The following USP28 variants were observed in gnomAD, a reference collection of about 807,000 sequenced individuals.
USP28 encodes ubiquitin specific peptidase 28, also known as ubiquitin carboxyl-terminal hydrolase 28.
Under a neutral mutation model 145.0 loss-of-function variants are expected in USP28, and 113 were observed. The ratio of observed to expected loss-of-function variants is 0.78; its 90% CI spans 0.67 to 0.91. USP28 has a LOEUF of 0.91. Among genes scored for constraint, USP28 ranks in the 40% least tolerant of loss-of-function variants. The pLI is 0.00. For missense variants in USP28, 1,201 were observed against 1,289.6 expected, an observed-to-expected ratio of 0.93 and a Z score of 1.05; for synonymous variants, 447 against 450.9, an observed-to-expected ratio of 0.99 and a Z score of 0.11.
rs533445305 is a variant in USP28, at chr11:113,869,848, G to C, written c.57+5597C>G. Among the ~76,000 whole-genome samples the C allele has an allele frequency of 5.9e-5, 9 of 152,238 alleles. No individual in the cohort carries two copies. The South Asian group carries it at 1.9e-3, about 32-fold the overall frequency. ...AAAAAGCACTGGGAAACAGAGTATA[G>C]AAGTCATTTGCAACTCAGGATTAGA... is the stretch of plus-strand genomic sequence containing the variant. On this transcript the variant is annotated intron_variant, in intron 1 of 24. Transcript: ENST00000003302.
chr11:113,852,535 T>C (rs752309835), exon 3 of USP28: 11 of 1,614,088 alleles, frequency 6.8e-6, no homozygotes, highest in Non-Finnish European at 9.3e-6. Flanking sequence ...CACTCCCCTC[T>C]ACTTCAGATG....
chr11:113,852,776 A>T, intron 2 of USP28, 143 bp from the exon 3 acceptor site: 1 of 949,288 alleles, frequency 1.1e-6, no homozygotes. Context: ...TATGGTGGAC[A>T]GTAGGTCTAA....
At chr11:113,799,475 A>C in intron 24 of USP28, 60 bp from the exon 26 acceptor site, 2 of 1,556,144 alleles carry the variant, frequency 1.3e-6, no homozygotes, top group Non-Finnish European at 1.7e-6. Flanking sequence ...GTAAAAGTGA[A>C]CAAGCCTTCT....
chr11:113,822,969 T>TA (rs760106095), intron 12 of USP28, among the ~76,000 whole-genome samples: 1 of 152,116 alleles, frequency 6.6e-6, no homozygotes, highest in African/African-American at 2.4e-5. Context: ...GTTAAGTGGA[T>TA]AAAGGGAGGA....
At chr11:113,809,345 TTACTCCTAACTAAAAA>T in intron 16 of USP28, 91 bp from the exon 17 acceptor site, 1 of 1,276,668 alleles carries the variant, frequency 7.8e-7, no homozygotes, top group Non-Finnish European at 1.1e-6. Flanking sequence ...CATCTTTATC[TTACTCCTAACTAAAAA>T]TACATGCACA....
At chr11:113,808,921 G>T in intron 17 of USP28, 142 bp downstream of exon 17, 1 of 751,426 alleles carries the variant, frequency 1.3e-6, no homozygotes, top group Non-Finnish European at 2.1e-6. Flanking sequence ...ATTCCATCAG[G>T]TTGTACCTGG....
chr11:113,816,223 A>C (rs1040059054), intron 13 of USP28, among the ~76,000 whole-genome samples: 17 of 152,162 alleles, frequency 1.1e-4, no homozygotes, highest in Non-Finnish European at 2.2e-4. Flanking sequence ...CTTAAAAAAA[A>C]ACTCTCACTC....
At chr11:113,844,619 G>T (rs1042636861) in intron 3 of USP28, among the ~76,000 whole-genome samples, 28 of 152,226 alleles carry the variant, frequency 1.8e-4, no homozygotes, top group African/African-American at 6.5e-4. Context: ...TTTCTCCAAA[G>T]AATACACAAG....
chr11:113,816,079 T>C (rs1219374493), intron 13 of USP28, among the ~76,000 whole-genome samples: 3 of 152,198 alleles, frequency 2.0e-5, no homozygotes, highest in African/African-American at 7.2e-5. Context: ...GCATATCAAG[T>C]AAATGTTAAT....
chr11:113,800,296 C>T (rs145447997), intron 24 of USP28, among the ~76,000 whole-genome samples: 9,767 of 151,698 alleles, frequency 0.064, 351 homozygotes, highest in African/African-American at 0.082. Flanking sequence ...TGAGCCACTG[C>T]GCCCGGCCTT....
chr11:113,810,833 C>T (rs1485051911), intron 16 of USP28, among the ~76,000 whole-genome samples: 1 of 152,186 alleles, frequency 6.6e-6, no homozygotes, highest in Admixed American at 6.5e-5. Flanking sequence ...TGCCACCATG[C>T]CCAGCTAATT....
intron 1 of USP28, among the ~76,000 whole-genome samples, chr11:113,871,910 G>A (rs1233541675): frequency 6.6e-6 from 1 of 152,128 alleles, no homozygotes; most frequent in South Asian, 2.1e-4. Context: ...GGGCGCCTTG[G>A]GCTCTTGGGG....
chr11:113,852,749 G>C (rs1418743958), intron 2 of USP28, 116 bp from the exon 3 acceptor site: 10 of 1,187,174 alleles, frequency 8.4e-6, no homozygotes, highest in African/African-American at 3.1e-5. Flanking sequence ...CATAATTCTA[G>C]GGTAGAATTA....
intron 3 of USP28, among the ~76,000 whole-genome samples, chr11:113,850,814 G>A (rs972051792): frequency 1.3e-5 from 2 of 152,072 alleles, no homozygotes; most frequent in Non-Finnish European, 2.9e-5. Context: ...GCCTTTATAG[G>A]TTACGATTCC....
chr11:113,805,676 C>T (rs1175161586), intron 19 of USP28, among the ~76,000 whole-genome samples: 3 of 152,222 alleles, frequency 2.0e-5, no homozygotes, highest in African/African-American at 4.8e-5. Flanking sequence ...AGAATCTATA[C>T]AAATGCAATT....
intron 3 of USP28, among the ~76,000 whole-genome samples, chr11:113,841,970 A>G (rs1280048181): frequency 1.3e-5 from 2 of 152,232 alleles, no homozygotes; most frequent in Non-Finnish European, 2.9e-5. Context: ...TACAGAAATA[A>G]CAAGCTGCAA....
intron 1 of USP28, among the ~76,000 whole-genome samples, chr11:113,864,458 C>A (rs1948069143): frequency 6.6e-6 from 1 of 152,052 alleles, no homozygotes; most frequent in Non-Finnish European, 1.5e-5. Context: ...AGCTGGAGAA[C>A]CAGGAGACCA....
At chr11:113,804,611 C>T (rs1225665445) in intron 21 of USP28, 62 bp downstream of exon 22, 1 of 1,459,082 alleles carries the variant, frequency 6.9e-7, no homozygotes, top group East Asian at 2.3e-5. Flanking sequence ...TATTTTGCCT[C>T]AGGTACCATT....
At chr11:113,867,625 G>A (rs1427567603) in intron 1 of USP28, among the ~76,000 whole-genome samples, 2 of 151,972 alleles carry the variant, frequency 1.3e-5, no homozygotes, top group Admixed American at 6.6e-5. Context: ...CTCTGCAGCA[G>A]GCTGAGGCAG....
Sources: allele counts gnomAD v4.1 joint callset (sites outside exome capture counted in the v4.1 genomes callset), GRCh38; gene constraint gnomAD v4.1.1; transcripts MANE v1.5; gene names NCBI Gene and HGNC (gene_info 2026-07-23, HGNC 2026-07-21).